Variants in DBNDD1 observed in about 807,000 individuals in gnomAD.
DBNDD1 encodes the protein dysbindin domain-containing protein 1.
Under a neutral mutation model 17.0 loss-of-function variants are expected in DBNDD1, and 14 were observed. The observed-to-expected ratio is 0.82, with a 90% CI of 0.54 to 1.29. DBNDD1 has a LOEUF of 1.29. Ranked by LOEUF, DBNDD1 falls within the 50% of genes most tolerant of loss-of-function variation. The pLI, the probability that DBNDD1 is intolerant of heterozygous loss-of-function variation, is 0.00. For missense variants in DBNDD1, 221 were observed against 216.2 expected (o/e 1.02, Z -0.14); for synonymous variants, 105 against 102.0 (o/e 1.03, Z -0.18).
At position 90,013,926 on chromosome 16, in the gene DBNDD1, G is replaced by A. The variant is rs375886165; in HGVS notation, c.32-4496C>T. On this transcript the variant is annotated intron_variant, in intron 1 of 3. Transcript: ENST00000002501. ...GGGAGGGAGCCGTGTGATACTGGGT[G>A]GGGCGGGGGGGGACATGCATAAAGG... is the stretch of plus-strand genomic sequence containing the variant. Among the ~76,000 whole-genome samples the A allele has an allele frequency of 5.3e-5, 8 of 151,590 alleles. 1 individual carries two copies. The highest frequency in any genetic ancestry group is 2.0e-4 in the Admixed American group (3 of 15,206).
At chr16:90,012,266 G>A (rs568618956) in intron 1 of DBNDD1, among the ~76,000 whole-genome samples, 5 of 152,278 alleles carry the variant, frequency 3.3e-5, no homozygotes, top group Non-Finnish European at 7.4e-5. Flanking sequence ...GTACGTCACC[G>A]GCCAGGAGGC....
chr16:90,010,006 A>G (rs767678422), intron 1 of DBNDD1: 14 of 1,614,126 alleles, frequency 8.7e-6, no homozygotes, highest in East Asian at 4.5e-5. Context: ...GCCACCAACC[A>G]TGCCTCACAG....
At position 90,006,469 on chromosome 16, in the gene DBNDD1, C is replaced by T. The variant is rs767773128; in HGVS notation, c.343G>A (p.Gly115Ser). ...PAGLHPLPRA[G>S]YLRSPSWTRT... Reference sequence around the variant, plus strand: ...GTCCAGGAAGGGGAGCGCAGGTAGCCGGCCCGGGGCAGCGGGTGCAGACCT... The same window carrying T: ...GTCCAGGAAGGGGAGCGCAGGTAGCTGGCCCGGGGCAGCGGGTGCAGACCT... The change falls in exon 4 of 4, where the codon GGC becomes AGC. Residue 115 changes from glycine to serine, a missense_variant. Physicochemically the swap from Gly to Ser is moderately conservative, Grantham distance 56 (BLOSUM62 0). Coordinates refer to ENST00000002501, the MANE Select transcript of DBNDD1 (RefSeq NM_001042610.3). The T allele has an allele frequency of 5.0e-5, 80 of 1,599,228 alleles. No individual in the cohort carries two copies. Among genetic ancestry groups the T allele is most frequent in the Middle Eastern group, 1.8e-4 (1 of 5,530 alleles).
intron 1 of DBNDD1, chr16:90,010,232 G>C (rs1284600162): frequency 1.9e-6 from 1 of 538,014 alleles, no homozygotes; most frequent in Non-Finnish European, 3.2e-6. Context: ...TTTTAGTAGA[G>C]ACGGGGTTTC....
chr16:90,017,420 G>C (rs2035658170), intron 1 of DBNDD1, among the ~76,000 whole-genome samples: 1 of 152,086 alleles, frequency 6.6e-6, no homozygotes, highest in Middle Eastern at 3.2e-3. Context: ...GCGTGAACCC[G>C]GGAGGTGGAG....
intron 3 of DBNDD1, chr16:90,006,746 C>T (rs2035435797): frequency 2.0e-6 from 1 of 503,568 alleles, no homozygotes; most frequent in Non-Finnish European, 3.6e-6. Flanking sequence ...ACTGTATAGT[C>T]TAGGCTGAGC....
intron 1 of DBNDD1, among the ~76,000 whole-genome samples, chr16:90,012,122 G>A (rs950537465): frequency 2.0e-5 from 3 of 152,246 alleles, no homozygotes; most frequent in Admixed American, 2.0e-4. Context: ...TCAGGAGGGT[G>A]CTGCAGCCGG....
chr16:90,006,655 A>G, intron 3 of DBNDD1, 163 bp from the exon 4 acceptor site: 1 of 912,342 alleles, frequency 1.1e-6, no homozygotes, highest in Admixed American at 2.7e-5. Flanking sequence ...GGCCCCCACC[A>G]CACACTGGCC....
chr16:90,010,737 C>G (rs1433578550), intron 1 of DBNDD1, among the ~76,000 whole-genome samples: 1 of 152,194 alleles, frequency 6.6e-6, no homozygotes, highest in Non-Finnish European at 1.5e-5. Flanking sequence ...GTCCATCCCT[C>G]CACAGATCCC....
intron 1 of DBNDD1, chr16:90,009,797 G>GGGTCCCCTGAAGGATCGCCCAT (rs2151261598): frequency 1.3e-6 from 1 of 766,176 alleles, no homozygotes; most frequent in East Asian, 2.7e-5. Flanking sequence ...GCTCGGCCCA[G>GGGTCCCCTGAAGGATCGCCCAT]GGTCCCCTGA....
chr16:90,006,364 GA>G lies in DBNDD1; in HGVS notation c.447del (p.Leu150SerfsTer33). 1 of 1,609,394 alleles carries G rather than the reference GA, an allele frequency of 6.2e-7. No homozygotes were observed. Among genetic ancestry groups the G allele is most frequent in the Non-Finnish European group, 8.5e-7 (1 of 1,179,494 alleles). On this transcript the variant is annotated frameshift_variant, in exon 4 of 4. Coordinates refer to ENST00000002501, the MANE Select transcript of DBNDD1 (RefSeq NM_001042610.3). LOFTEE classifies it high-confidence loss of function. ...PERQATVLDT[F>X]LTVERPQED is the part of the protein sequence containing the mutation. ...TCCTCCTGGGGCCTCTCCACAGTGA[GA>G]AACGTGTCCAGGACTGTGGCCTGCC... is the stretch of plus-strand genomic sequence containing the variant.
chr16:90,017,735 G>A (rs971136739), intron 1 of DBNDD1, among the ~76,000 whole-genome samples: 2 of 152,214 alleles, frequency 1.3e-5, no homozygotes, highest in Non-Finnish European at 2.9e-5. Context: ...GATCTCATGA[G>A]GTTCCACAAA....
intron 1 of DBNDD1, among the ~76,000 whole-genome samples, chr16:90,018,786 G>A (rs1325337926): frequency 6.6e-6 from 1 of 152,168 alleles, no homozygotes. Context: ...GGAGTCCCCG[G>A]CAGGCCGCGC....
At chr16:90,011,771 T>C (rs571722985) in intron 1 of DBNDD1, 3 of 423,982 alleles carry the variant, frequency 7.1e-6, no homozygotes, top group African/African-American at 4.0e-5. Context: ...CCAGCAGGGA[T>C]ACCTCTCCGC....
At position 90,019,277 on chromosome 16, in the gene DBNDD1, G is replaced by A. The variant is rs2035721286; in HGVS notation, c.31+34C>T. ...CTGCGGCTCGCTGCGGGGAAGCGCT[G>A]CGCGGGGGTCTCGGGGGCTGGGGCT... On this transcript the variant is annotated intron_variant, in intron 1 of 3. Coordinates refer to ENST00000002501, the MANE Select transcript of DBNDD1 (RefSeq NM_001042610.3). This position sits in a 1 kb window ranked among gnomAD's most constrained non-coding sequence, Gnocchi z 6.1. The A allele has an allele frequency of 1.7e-6, 2 of 1,177,750 alleles. No individual in the cohort carries two copies. The highest frequency in any genetic ancestry group is 2.1e-6 in the Non-Finnish European group (2 of 941,358). The allele number at this position is 1,177,750 out of a possible 1,614,324, so 73.0% of individuals were successfully genotyped here.
At chr16:90,009,091 A>G (rs2035499761) in intron 2 of DBNDD1, 167 bp from the exon 3 acceptor site, 3 of 1,207,918 alleles carry the variant, frequency 2.5e-6, no homozygotes, top group East Asian at 5.1e-5. Flanking sequence ...GCGTATACTC[A>G]TGACTAGAAG....
rs573991171 is a variant in DBNDD1 at position 90,008,796 on chromosome 16, C to T, written c.307G>A (p.Glu103Lys). The T allele has an allele frequency of 4.4e-5, 71 of 1,597,222 alleles. No homozygotes were observed. The highest frequency in any genetic ancestry group is 5.2e-5 in the Non-Finnish European group (61 of 1,168,396). Residue 103 changes from glutamate to lysine, a missense_variant, in exon 3 of 4, where the codon GAG (glutamate) becomes AAG (lysine). Glu to Lys is a moderately conservative substitution (Grantham distance 56, BLOSUM62 1). Coordinates refer to ENST00000002501, the MANE Select transcript of DBNDD1 (RefSeq NM_001042610.3). ...ADSDDENLNT[E>K]SPAGLHPLPR... is the part of the protein sequence containing the mutation. ...ATGCCGGCCTCACCTGCTGGGGACT[C>T]GGTGTTGAGGTTCTCGTCGTCCGAG...
intron 1 of DBNDD1, among the ~76,000 whole-genome samples, chr16:90,018,153 C>T (rs11648785): frequency 0.27 from 41,205 of 152,114 alleles, 6,014 homozygotes; most frequent in South Asian, 0.43. Context: ...GGAAACAGCT[C>T]GGAGACCCCC....
intron 1 of DBNDD1, among the ~76,000 whole-genome samples, chr16:90,015,409 A>G (rs2151264938): frequency 6.6e-6 from 1 of 152,296 alleles, no homozygotes; most frequent in South Asian, 2.1e-4. Flanking sequence ...GCATACAGAT[A>G]TGTGTTCGTT....
Sources: gnomAD v4.1 joint callset for allele counts (sites outside exome capture counted in the v4.1 genomes callset) on GRCh38, gnomAD v4.1.1 for gene constraint, Gnocchi (gnomAD v3.1) non-coding constraint, MANE v1.5 for transcripts, NCBI Gene and HGNC (gene_info 2026-07-23, HGNC 2026-07-21) for gene names.